Variants in RGS6 observed in about 807,000 individuals in gnomAD.
RGS6 encodes the protein regulator of G protein signaling 6.
A neutral mutation model predicts 78.5 loss-of-function variants in RGS6; 30 were observed. The observed-to-expected ratio is 0.38, with a 90% CI of 0.29 to 0.52. The LOEUF (loss-of-function observed/expected upper bound fraction) is 0.52. Ranked by LOEUF, RGS6 falls within the 20% of genes least tolerant of loss-of-function variation. RGS6 has a pLI of 0.85. For synonymous variants in RGS6, 206 were observed against 206.0 expected (o/e 1.00, Z 0.00); for missense variants, 495 against 609.7 (o/e 0.81, Z 1.98).
chr14:72,555,392 C>T (rs1219881041), intron 17 of RGS6, among the ~76,000 whole-genome samples: 2 of 152,256 alleles, frequency 1.3e-5, no homozygotes, highest in Non-Finnish European at 2.9e-5. Flanking sequence ...GCAGATGGCA[C>T]CTCCTTTCTC....
At chr14:72,410,251 C>T (rs1011837933) in intron 3 of RGS6, among the ~76,000 whole-genome samples, 5 of 152,150 alleles carry the variant, frequency 3.3e-5, no homozygotes, top group Non-Finnish European at 2.9e-5. Context: ...TTAATGATTG[C>T]CATTCTAACT....
At chr14:71,936,861 C>G (rs1169328866) in intron 1 of RGS6, among the ~76,000 whole-genome samples, 4 of 152,242 alleles carry the variant, frequency 2.6e-5, no homozygotes, top group African/African-American at 9.6e-5. Flanking sequence ...ATGGTCGTAG[C>G]TGGTATTGAT....
At chr14:72,006,144 T>C (rs571142244) in intron 2 of RGS6, among the ~76,000 whole-genome samples, 91 of 152,288 alleles carry the variant, frequency 6.0e-4, no homozygotes, top group Non-Finnish European at 1.2e-3. Context: ...ATCTCATCTA[T>C]CCTTTAGGTC....
At chr14:72,152,596 C>T (rs72719856) in intron 2 of RGS6, among the ~76,000 whole-genome samples, 2,434 of 152,192 alleles carry the variant, frequency 0.016, 25 homozygotes, top group Non-Finnish European at 0.024. Context: ...TAGCAGAAAA[C>T]GTTTACCAGT....
the RGS6 span, among the ~76,000 whole-genome samples, chr14:71,879,932 A>C: frequency 6.6e-6 from 1 of 152,220 alleles, no homozygotes; most frequent in Non-Finnish European, 1.5e-5. Context: ...AGACAGGAAA[A>C]AGGGGGAAAG....
intron 2 of RGS6, among the ~76,000 whole-genome samples, chr14:72,306,026 C>T (rs1274519015): frequency 6.6e-6 from 1 of 152,212 alleles, no homozygotes; most frequent in Non-Finnish European, 1.5e-5. Flanking sequence ...AAGGTCAATG[C>T]CTGGCTTCAA....
At chr14:72,340,769 C>T (rs1340316595) in intron 2 of RGS6, among the ~76,000 whole-genome samples, 1 of 152,180 alleles carries the variant, frequency 6.6e-6, no homozygotes, top group Non-Finnish European at 1.5e-5. Flanking sequence ...TCTCATTGCC[C>T]TGAAATATTT....
chr14:72,255,737 T>C (rs1013387099), intron 2 of RGS6, among the ~76,000 whole-genome samples: 2 of 152,208 alleles, frequency 1.3e-5, no homozygotes, highest in Admixed American at 6.5e-5. Context: ...AAAATACCAT[T>C]TACTTTATAT....
Position 72,476,731 on chromosome 14 carries a change from T to A in RGS6, c.694-11T>A. 1 of 1,613,386 alleles carries A rather than the reference T, an allele frequency of 6.2e-7. No homozygotes were observed. Among genetic ancestry groups the A allele is most frequent in the Non-Finnish European group, 8.5e-7 (1 of 1,179,470 alleles). ...GGGTGGATGATCCTCTGTGCTTGCT[T>A]CTTCTCCTAGTCCGTGTATGGCGTG... is the stretch of plus-strand genomic sequence containing the variant. On this transcript the variant is annotated splice_polypyrimidine_tract_variant and intron_variant, in intron 10 of 17. Coordinates refer to ENST00000553525, the MANE Select transcript of RGS6 (RefSeq NM_001204424.2).
intron 2 of RGS6, among the ~76,000 whole-genome samples, chr14:72,267,247 A>G (rs2059215548): frequency 6.6e-6 from 1 of 152,218 alleles, no homozygotes; most frequent in Non-Finnish European, 1.5e-5. Context: ...CACTGCACCC[A>G]GCCAATTTTT....
chr14:72,076,845 T>A (rs2094590840), intron 2 of RGS6, among the ~76,000 whole-genome samples: 1 of 152,028 alleles, frequency 6.6e-6, no homozygotes, highest in Non-Finnish European at 1.5e-5. Context: ...GTATACATAA[T>A]TAGGCTATAC....
chr14:72,024,122 G>A (rs2089328477), intron 2 of RGS6, among the ~76,000 whole-genome samples: 1 of 25,936 alleles, frequency 3.9e-5, no homozygotes, highest in Non-Finnish European at 8.1e-5. Flanking sequence ...AATAATTGCT[G>A]CCTGGGAGAA....
chr14:71,956,630 T>C lies in RGS6; in HGVS notation c.-20-8142T>C, dbSNP rs373731752. On this transcript the variant is annotated intron_variant, in intron 1 of 17. Transcript: ENST00000553525. ...TTCATGTTTCTCTGACTGCTTTATA[T>C]TTGCTGGCAGCTGATTAGATTGTGC... Among the ~76,000 whole-genome samples, 10 of 152,178 alleles carry C rather than the reference T, an allele frequency of 6.6e-5. No individual in the cohort carries two copies. In the East Asian group the frequency reaches 1.7e-3, roughly 27 times the overall value.
chr14:72,562,999 T>G lies in RGS6; in HGVS notation c.*532T>G. On this transcript the variant is annotated 3_prime_UTR_variant, in exon 18 of 18. Transcript: ENST00000553525. ...GTCTCTGTGGCCACCCGGGTGTCACTGCCAGCACCAGGCACTGCTTTCACG... is the reference window on the plus strand; with the variant it reads ...GTCTCTGTGGCCACCCGGGTGTCACGGCCAGCACCAGGCACTGCTTTCACG... 2 of 574,238 alleles carry G rather than the reference T, an allele frequency of 3.5e-6. No individual in the cohort carries two copies. The highest frequency in any genetic ancestry group is 4.1e-5 in the South Asian group (2 of 48,234). 35.6% of individuals were successfully genotyped at this position (574,238 alleles called of 1,614,324 possible). A position where few individuals can be genotyped will look rare whatever the true frequency, so the allele number is the denominator to read the frequency against.
intron 3 of RGS6, among the ~76,000 whole-genome samples, chr14:72,393,426 G>C (rs1317283319): frequency 6.6e-6 from 1 of 152,134 alleles, no homozygotes; most frequent in Non-Finnish European, 1.5e-5. Flanking sequence ...AGTTAGTAAC[G>C]CATCCCAGGT....
chr14:72,099,521 G>A (rs574243539), intron 2 of RGS6, among the ~76,000 whole-genome samples: 2 of 152,230 alleles, frequency 1.3e-5, no homozygotes, highest in South Asian at 4.2e-4. Flanking sequence ...TTTCACCTTA[G>A]GCACAGGTGG....
In RGS6 at chr14:72,398,787, T is replaced by G. The variant is rs571673647; in HGVS notation, c.184+46593T>G. On this transcript the variant is annotated intron_variant, in intron 3 of 17. Coordinates refer to ENST00000553525, the MANE Select transcript of RGS6 (RefSeq NM_001204424.2). ...TGTTGGTTTCAAAAAACATCTTTAT[T>G]TCTCCCTTCATTTCGTTATGTACCC... Among the ~76,000 whole-genome samples, 7 of 152,348 alleles carry G rather than the reference T, an allele frequency of 4.6e-5. No individual in the cohort carries two copies. In the East Asian group the frequency reaches 7.7e-4, roughly 17 times the overall value.
chr14:72,294,530 A>G (rs2064299049), intron 2 of RGS6, among the ~76,000 whole-genome samples: 1 of 152,218 alleles, frequency 6.6e-6, no homozygotes, highest in Non-Finnish European at 1.5e-5. Flanking sequence ...TGCTGTAAAG[A>G]AATACCTAAT....
intron 2 of RGS6, among the ~76,000 whole-genome samples, chr14:71,981,855 C>T (rs1236760563): frequency 6.8e-6 from 1 of 147,262 alleles, no homozygotes; most frequent in Non-Finnish European, 1.5e-5. Context: ...CTAAGCAAGC[C>T]TGGGCAATGG....
Sources: gnomAD v4.1 joint callset for allele counts (sites outside exome capture counted in the v4.1 genomes callset) on GRCh38, gnomAD v4.1.1 for gene constraint, MANE v1.5 for transcripts, NCBI Gene and HGNC (gene_info 2026-07-23, HGNC 2026-07-21) for gene names.